TNXB: variants seen among roughly 807,000 people sequenced by gnomAD.
TNXB encodes tenascin XB.
A neutral mutation model predicts 340.5 loss-of-function variants in TNXB; 183 were observed. That is an observed-to-expected ratio of 0.54 (90% CI 0.48 to 0.61). The LOEUF (loss-of-function observed/expected upper bound fraction) is 0.61. Among genes scored for constraint, TNXB ranks in the 20% least tolerant of loss-of-function variants. TNXB has a pLI of 0.00. For missense variants in TNXB, 4,613 were observed against 5,446.4 expected (o/e 0.85, Z 4.82); for synonymous variants, 2,121 against 2,314.5 (o/e 0.92, Z 2.40).
rs1439409963 is a variant in TNXB, at chr6:32,046,708, G to C, written c.10325-252C>G. ...CCTTCCCTGCTGTGATCGAGGATGC[G>C]CCAAATTCATTACAGATCATCTCCC... On this transcript the variant is annotated intron_variant, in intron 30 of 43. Transcript: ENST00000644971. The surrounding 1 kb of genome is among the most constrained non-coding windows in gnomAD (Gnocchi z 6.9). 2.6e-5 allele frequency: 11 copies of C among 420,342 alleles called. No individual in the cohort carries two copies. In the East Asian group the frequency reaches 3.4e-4, roughly 13 times the overall value. 26.0% of individuals were successfully genotyped at this position (420,342 alleles called of 1,614,324 possible).
At position 32,042,569 on chromosome 6, in the gene TNXB, C is replaced by T. The variant is rs756952451; in HGVS notation, c.12096G>A (p.Glu4032=). ...LRIPFPRDCG[E]EMQNGAGASR... is the part of the protein sequence containing the mutation. ...AGGCACCGGCTCCGTTCTGCATCTC[C>T]TCCCCGCAGTCCCTGGGGAAGGGGA... The change falls in exon 40 of 44, where the codon GAG becomes GAA. Residue 4032 remains glutamate (E), a synonymous_variant. Coordinates refer to ENST00000644971, the MANE Select transcript of TNXB (RefSeq NM_001365276.2). 4 of 1,602,110 alleles carry T rather than the reference C, an allele frequency of 2.5e-6. No individual in the cohort carries two copies. The African/African-American group carries it at 5.4e-5, about 22-fold the overall frequency.
intron 18 of TNXB, among the ~76,000 whole-genome samples, chr6:32,066,431 A>C (rs1778343752): frequency 2.6e-5 from 4 of 151,436 alleles, no homozygotes; most frequent in East Asian, 2.0e-4. Flanking sequence ...ATCAATCAAT[A>C]GCAATGTAGT....
In TNXB at chr6:32,108,357, G is replaced by A. The variant is rs898460957; in HGVS notation, c.-9+824C>T. Among the ~76,000 whole-genome samples, 1 of 152,294 alleles carries A rather than the reference G, an allele frequency of 6.6e-6. No homozygotes were observed. Among genetic ancestry groups the A allele is most frequent in the Admixed American group, 6.5e-5 (1 of 15,308 alleles). On this transcript the variant is annotated intron_variant, in intron 1 of 43. Transcript: ENST00000644971. The surrounding 1 kb of genome is among the most constrained non-coding windows in gnomAD (Gnocchi z 4.8). ...GGCGTGTCACGTGTACTGGTGGTGG[G>A]GGGCGGGGGCGGCGAGGTGAGGGAG...
In TNXB at chr6:32,083,603, T is replaced by TG. The variant is rs1164632767; in HGVS notation, c.3445+809_3445+810insC. On this transcript the variant is annotated intron_variant, in intron 8 of 43. Transcript: ENST00000644971. The surrounding 1 kb of genome is among the most constrained non-coding windows in gnomAD (Gnocchi z 4.6). ...CTGGTACACCTTGCTTTCCTTCGCC[T>TG]CCCCCATCCAGCCCCACTGCCACCA... Among the ~76,000 whole-genome samples, 7 of 152,014 alleles carry TG rather than the reference T, an allele frequency of 4.6e-5. No individual in the cohort carries two copies. The highest frequency in any genetic ancestry group is 1.7e-4 in the African/African-American group (7 of 41,378).
Position 32,064,785 on chromosome 6 carries a change from T to C in TNXB, c.6841+36A>G, listed in dbSNP as rs892026724. On this transcript the variant is annotated intron_variant, in intron 19 of 43. Transcript: ENST00000644971. The surrounding 1 kb of genome is among the most constrained non-coding windows in gnomAD (Gnocchi z 5.3). ...ACAATAAAAGGGAAACTGAGTCTAG[T>C]TCAGGGCAGGGCCCAGTGCCCTACT... 3 of 1,595,438 alleles carry C rather than the reference T, an allele frequency of 1.9e-6. No individual in the cohort carries two copies. The highest frequency in any genetic ancestry group is 1.3e-5 in the African/African-American group (1 of 74,602).
Position 32,079,934 on chromosome 6 carries a change from C to T in TNXB, c.4043-569G>A, listed in dbSNP as rs777855025. Among the ~76,000 whole-genome samples the T allele has an allele frequency of 6.6e-6, 1 of 152,216 alleles. No homozygotes were observed. The highest frequency in any genetic ancestry group is 6.5e-5 in the Admixed American group (1 of 15,290). On this transcript the variant is annotated intron_variant, in intron 10 of 43. Coordinates refer to ENST00000644971, the MANE Select transcript of TNXB (RefSeq NM_001365276.2). This position sits in a 1 kb window ranked among gnomAD's most constrained non-coding sequence, Gnocchi z 7.1. ...AATCACAGCCCTGTGGGCACCTACC[C>T]GCCCCCTACAGTTAGGTCTCTGCTG...
Position 32,085,598 on chromosome 6 carries a change from TTCCTTTTCTC to T in TNXB, c.3148+142_3148+151del, listed in dbSNP as rs1158441584. Among the ~76,000 whole-genome samples the T allele has an allele frequency of 6.6e-6, 1 of 152,140 alleles. No individual in the cohort carries two copies. The highest frequency in any genetic ancestry group is 6.5e-5 in the Admixed American group (1 of 15,272). ...ATCCATCTTCCTGCTGAACCTGCAA[TTCCTTTTCTC>T]TCCTTTTCTCCTCTATCCAGCCCCA... is the stretch of plus-strand genomic sequence containing the variant. On this transcript the variant is annotated intron_variant, in intron 7 of 43. Transcript: ENST00000644971. The surrounding 1 kb of genome is among the most constrained non-coding windows in gnomAD (Gnocchi z 6.4).
In TNXB at chr6:32,082,002, G is replaced by A; in HGVS notation, c.3736+34C>T. 4 of 1,575,720 alleles carry A rather than the reference G, an allele frequency of 2.5e-6. No individual in the cohort carries two copies. Among genetic ancestry groups the A allele is most frequent in the Non-Finnish European group, 2.6e-6 (3 of 1,160,218 alleles). ...GGGAAGTGTGCATGGGGCTGAGAAG[G>A]GGTCACATGGGGGCTGAGGTGGCTG... On this transcript the variant is annotated intron_variant, in intron 9 of 43. Transcript: ENST00000644971. The surrounding 1 kb of genome is among the most constrained non-coding windows in gnomAD (Gnocchi z 5.0).
rs138300355 is a variant in TNXB at position 32,082,118 on chromosome 6, G to T, written c.3654C>A (p.Asp1218Glu). The change falls in exon 9 of 44, where the codon GAC becomes GAA. Residue 1218 changes from aspartate to glutamate, a missense_variant. Asp to Glu is a conservative substitution (Grantham distance 45). Transcript: ENST00000644971. The surrounding 1 kb of genome is among the most constrained non-coding windows in gnomAD (Gnocchi z 5.0). ...GAGTGAATCTGTACTTGTGGTCAGG[G>T]TCCAGTGAGGAGACAACAAATGAAC... ...PERSFVVSSL[D>E]PDHKYRFTLF... is the part of the protein sequence containing the mutation. 2,424 of 1,611,290 alleles carry T rather than the reference G, an allele frequency of 1.5e-3. 83 individuals carry two copies. The Admixed American group carries it at 0.04, about 27-fold the overall frequency.
chr6:32,080,704 C>T lies in TNXB; in HGVS notation c.4042+664G>A, dbSNP rs1291649272. ...TTGGCTCCGGAGTCTTTGCTCCTAACCACTATCCACACTATCTCTCATCAA... is the reference window on the plus strand; with the variant it reads ...TTGGCTCCGGAGTCTTTGCTCCTAATCACTATCCACACTATCTCTCATCAA... On this transcript the variant is annotated intron_variant, in intron 10 of 43. Transcript: ENST00000644971. The surrounding 1 kb of genome is among the most constrained non-coding windows in gnomAD (Gnocchi z 4.3). Among the ~76,000 whole-genome samples, 1 of 152,152 alleles carries T rather than the reference C, an allele frequency of 6.6e-6. No homozygotes were observed. The highest frequency in any genetic ancestry group is 1.5e-5 in the Non-Finnish European group (1 of 68,030).
Position 32,082,581 on chromosome 6 carries a change from T to C in TNXB, c.3446-255A>G, listed in dbSNP as rs1394433914. Among the ~76,000 whole-genome samples, 1 of 152,108 alleles carries C rather than the reference T, an allele frequency of 6.6e-6. No individual in the cohort carries two copies. The highest frequency in any genetic ancestry group is 1.5e-5 in the Non-Finnish European group (1 of 68,006). On this transcript the variant is annotated intron_variant, in intron 8 of 43. Coordinates refer to ENST00000644971, the MANE Select transcript of TNXB (RefSeq NM_001365276.2). This position sits in a 1 kb window ranked among gnomAD's most constrained non-coding sequence, Gnocchi z 5.0. Reference sequence around the variant, plus strand: ...GGCATGGAAGCACTGCGTGGACTAGTGTGGCTCTGCCTCCAACCACAAACC... The same window carrying C: ...GGCATGGAAGCACTGCGTGGACTAGCGTGGCTCTGCCTCCAACCACAAACC...
chr6:32,081,997 A>G lies in TNXB; in HGVS notation c.3736+39T>C, dbSNP rs757518139. On this transcript the variant is annotated intron_variant, in intron 9 of 43. Transcript: ENST00000644971. The surrounding 1 kb of genome is among the most constrained non-coding windows in gnomAD (Gnocchi z 5.1). ...CTGAAGGGAAGTGTGCATGGGGCTG[A>G]GAAGGGGTCACATGGGGGCTGAGGT... 2.3e-4 allele frequency: 360 copies of G among 1,568,906 alleles called. No individual in the cohort carries two copies. The highest frequency in any genetic ancestry group is 3.1e-4 in the Non-Finnish European group (356 of 1,156,972).
At position 32,085,171 on chromosome 6, in the gene TNXB, C is replaced by A. The variant is rs1213569283; in HGVS notation, c.3149-462G>T. Among the ~76,000 whole-genome samples, 3 of 152,102 alleles carry A rather than the reference C, an allele frequency of 2.0e-5. No homozygotes were observed. The highest frequency in any genetic ancestry group is 4.4e-5 in the Non-Finnish European group (3 of 68,018). The stretch of plus-strand genomic sequence containing the variant: ...GAGGGGATGTGAAAGCCAGGTACCC[C>A]AGGACCTGTCTTTCACTGGTCCTGC... On this transcript the variant is annotated intron_variant, in intron 7 of 43. Transcript: ENST00000644971. The surrounding 1 kb of genome is among the most constrained non-coding windows in gnomAD (Gnocchi z 6.4).
Position 32,055,918 on chromosome 6 carries a change from G to A in TNXB, c.8400C>T (p.Tyr2800=), listed in dbSNP as rs1385796011. The part of the protein sequence containing the change: ...TVGGLEPGRK[Y]KMHLYGLHEG... ...CGTGGAGGCCGTACAGGTGCATCTT[G>A]TATTTGCGCCCGGGCTCCAGGCCCC... Residue 2800 remains tyrosine (Y), a synonymous_variant, in exon 24 of 44, where the codon TAC becomes TAT. Transcript: ENST00000644971. 1 of 1,613,444 alleles carries A rather than the reference G, an allele frequency of 6.2e-7. No individual in the cohort carries two copies. The highest frequency in any genetic ancestry group is 2.2e-5 in the East Asian group (1 of 44,894).
intron 26 of TNXB, among the ~76,000 whole-genome samples, chr6:32,050,865 T>C (rs1777246669): frequency 6.6e-6 from 1 of 152,084 alleles, no homozygotes; most frequent in Non-Finnish European, 1.5e-5. Flanking sequence ...GCCTATTGGC[T>C]TCCCTGCCTC....
At position 32,043,638 on chromosome 6, in the gene TNXB, C is replaced by T. The variant is rs534009046; in HGVS notation, c.11531-82G>A. On this transcript the variant is annotated intron_variant, in intron 35 of 43. Coordinates refer to ENST00000644971, the MANE Select transcript of TNXB (RefSeq NM_001365276.2). ...CCCCAGACTCCACTGGCCTCCCGTC[C>T]GCAATCGGAGCCTCCACCACCTCCC... 2.2e-5 allele frequency: 33 copies of T among 1,497,442 alleles called. No individual in the cohort carries two copies. The African/African-American group carries it at 2.7e-4, about 12-fold the overall frequency. The allele number at this position is 1,497,442 out of a possible 1,614,324, so 92.8% of individuals were successfully genotyped here.
Position 32,087,958 on chromosome 6 carries a change from G to C in TNXB, c.2779+827C>G. On this transcript the variant is annotated intron_variant, in intron 6 of 43. Transcript: ENST00000644971. The surrounding 1 kb of genome is among the most constrained non-coding windows in gnomAD (Gnocchi z 9.0). The stretch of plus-strand genomic sequence containing the variant: ...CCGGGACTTGGGGGGCGGGGCTGGG[G>C]GGCGCACCTCCGGGTAACTGTAGTG... The C allele has an allele frequency of 3.2e-6, 1 of 311,128 alleles. No individual in the cohort carries two copies. The highest frequency in any genetic ancestry group is 2.4e-5 in the South Asian group (1 of 42,444). The allele number at this position is 311,128 out of a possible 1,614,324, so 19.3% of individuals were successfully genotyped here.
At chr6:32,086,859 A>T (rs1282009668) in intron 6 of TNXB, among the ~76,000 whole-genome samples, 1 of 152,094 alleles carries the variant, frequency 6.6e-6, no homozygotes, top group East Asian at 1.9e-4. Context: ...GTCTTCAGCC[A>T]CTCTCACCAC....
chr6:32,088,667 T>A (rs1422226340), intron 6 of TNXB, 118 bp downstream of exon 6: 5 of 1,418,804 alleles, frequency 3.5e-6, no homozygotes, highest in Non-Finnish European at 4.7e-6. Flanking sequence ...GCCTCGAGAC[T>A]GCCACACACC....
Sources: allele counts gnomAD v4.1 joint callset (sites outside exome capture counted in the v4.1 genomes callset), GRCh38; gene constraint gnomAD v4.1.1; non-coding constraint Gnocchi (gnomAD v3.1); transcripts MANE v1.5; gene names NCBI Gene and HGNC (gene_info 2026-07-23, HGNC 2026-07-21).